MDK: variants seen among roughly 807,000 people sequenced by gnomAD.
The protein encoded by MDK is amphiregulin-associated protein.
A neutral mutation model predicts 18.9 loss-of-function variants in MDK; 17 were observed. The ratio of observed to expected loss-of-function variants is 0.90; its 90% CI spans 0.62 to 1.35. The LOEUF (loss-of-function observed/expected upper bound fraction) is 1.35, where lower values mean the gene tolerates loss of function less well. Ranked by LOEUF, MDK falls within the 40% of genes most tolerant of loss-of-function variation. The pLI is 0.00. For synonymous variants in MDK, 86 were observed against 74.3 expected, an observed-to-expected ratio of 1.16 and a Z score of -0.81; for missense variants, 180 against 186.3, an observed-to-expected ratio of 0.97 and a Z score of 0.20.
chr11:46,381,612 G>A (rs1590671559), upstream of MDK: 1 of 136,248 alleles, frequency 7.3e-6, no homozygotes, highest in South Asian at 2.4e-4. Flanking sequence ...GAGGGGGCGG[G>A]GCGGGTCCTT....
upstream of MDK, chr11:46,381,307 T>C: frequency 6.6e-6 from 1 of 152,164 alleles, no homozygotes; most frequent in Non-Finnish European, 1.5e-5. Context: ...AGCTGAGGCC[T>C]GAGAACGGCC....
intron 1 of MDK, 133 bp downstream of exon 1, chr11:46,381,891 T>C: frequency 5.9e-6 from 4 of 678,300 alleles, no homozygotes; most frequent in Admixed American, 2.8e-5. Flanking sequence ...TAGCGGTGCG[T>C]CCGGGCTAGC....
At chr11:46,382,788 C>CGGGGGGG in intron 4 of MDK, 40 bp downstream of exon 4, 2 of 546,302 alleles carry the variant, frequency 3.7e-6, no homozygotes, top group Non-Finnish European at 5.4e-6. Context: ...TCGCGGGGGG[C>CGGGGGGG]TGCCCCCCCC....
At chr11:46,381,934 G>C in intron 1 of MDK, 123 bp from the exon 2 acceptor site, 1 of 1,050,604 alleles carries the variant, frequency 9.5e-7, no homozygotes, top group South Asian at 1.5e-5. Flanking sequence ...TCCCACCGCC[G>C]CCACCTTAGC....
Position 46,382,797 on chromosome 11 carries a change from C to T in MDK, c.406+49C>T. ...GGGCTGTCGCGGGGGGCTGCCCCCC[C>T]CCCCCCCCGCCTGTGAGGGGACAAT... On this transcript the variant is annotated intron_variant, in intron 4 of 4. Coordinates refer to ENST00000395566, the MANE Select transcript of MDK (RefSeq NM_002391.6). 17 of 1,496,246 alleles carry T rather than the reference C, an allele frequency of 1.1e-5. 1 individual carries two copies. The highest frequency in any genetic ancestry group is 1.4e-5 in the Non-Finnish European group (16 of 1,110,624). 92.7% of individuals were successfully genotyped at this position (1,496,246 alleles called of 1,614,324 possible).
At chr11:46,381,463 C>T (rs989833332), upstream of MDK, 15 of 151,568 alleles carry the variant, frequency 9.9e-5, no homozygotes, top group African/African-American at 3.4e-4. Context: ...GGAGAGGCCG[C>T]CGTCGCAGCG....
rs575761440 is a variant in MDK, at chr11:46,382,800, C to G, written c.406+52C>G. 1,107 of 1,523,074 alleles carry G rather than the reference C, an allele frequency of 7.3e-4. 19 individuals carry two copies. The highest frequency in any genetic ancestry group is 1.7e-3 in the Admixed American group (87 of 50,332). 94.3% of individuals were successfully genotyped at this position (1,523,074 alleles called of 1,614,324 possible). ...CTGTCGCGGGGGGCTGCCCCCCCCCCCCCCCGCCTGTGAGGGGACAATTCC... is the reference window on the plus strand; with the variant it reads ...CTGTCGCGGGGGGCTGCCCCCCCCCGCCCCCGCCTGTGAGGGGACAATTCC... On this transcript the variant is annotated intron_variant, in intron 4 of 4. Transcript: ENST00000395566.
chr11:46,382,910 T>G (rs927196386), intron 4 of MDK, 162 bp downstream of exon 4: 6 of 821,480 alleles, frequency 7.3e-6, no homozygotes, highest in Non-Finnish European at 9.8e-6. Context: ...AGTCTGAAGA[T>G]GGGCACTACA....
rs1286502309 is a variant in MDK at position 46,382,962 on chromosome 11, G to A, written c.406+214G>A. 3 of 614,468 alleles carry A rather than the reference G, an allele frequency of 4.9e-6. No individual in the cohort carries two copies. The African/African-American group carries it at 5.6e-5, about 11-fold the overall frequency. The allele number at this position is 614,468 out of a possible 1,614,324, so 38.1% of individuals were successfully genotyped here. A position where few individuals can be genotyped will look rare whatever the true frequency, so the allele number is the denominator to read the frequency against. On this transcript the variant is annotated intron_variant, in intron 4 of 4. Transcript: ENST00000395566. ...ATGCTGGGGACATAAATCCTCCCTGGCCCAAATAGGGACCAACTCAAACTA... is the reference window on the plus strand; with the variant it reads ...ATGCTGGGGACATAAATCCTCCCTGACCCAAATAGGGACCAACTCAAACTA...
intron 4 of MDK, 53 bp downstream of exon 4, chr11:46,382,801 C>A (rs760785471): frequency 7.2e-6 from 11 of 1,523,928 alleles, no homozygotes; most frequent in African/African-American, 5.9e-5. Context: ...CCCCCCCCCC[C>A]CCCCGCCTGT....
In MDK at chr11:46,382,625, G is replaced by A; in HGVS notation, c.283G>A (p.Asp95Asn). ...KYKFENWGAC[D>N]GGTGTKVRQG... is the part of the protein sequence containing the mutation. ...CAAGTTTGAGAACTGGGGTGCGTGT[G>A]ATGGGGGCACAGGCACCAAAGTCCG... Residue 95 changes from aspartate to asparagine, a missense_variant, in exon 4 of 5, where the codon GAT (aspartate) becomes AAT (asparagine). Coordinates refer to ENST00000395566, the MANE Select transcript of MDK (RefSeq NM_002391.6). The A allele has an allele frequency of 1.2e-6, 2 of 1,612,732 alleles. No individual in the cohort carries two copies. Among genetic ancestry groups the A allele is most frequent in the Non-Finnish European group, 1.7e-6 (2 of 1,179,794 alleles).
At position 46,382,405 on chromosome 11, in the gene MDK, C is replaced by A; in HGVS notation, c.188C>A (p.Ala63Asp). 6.5e-7 allele frequency: 1 copy of A among 1,548,908 alleles called. No homozygotes were observed. Among genetic ancestry groups the A allele is most frequent in the South Asian group, 1.2e-5 (1 of 81,562 alleles). ...GGTTTCCGCGAGGGCACCTGCGGGG[C>A]CCAGACCCAGCGCATCCGGTGCAGG... ...GVGFREGTCG[A>D]QTQRIRCRVP... Residue 63 changes from alanine to aspartate, a missense_variant, in exon 3 of 5, where the codon GCC becomes GAC. Ala to Asp is a moderately radical substitution (Grantham distance 126, BLOSUM62 -2). Transcript: ENST00000395566.
At chr11:46,382,795 C>CT in intron 4 of MDK, 47 bp downstream of exon 4, 1 of 1,398,076 alleles carries the variant, frequency 7.2e-7, no homozygotes, top group Non-Finnish European at 9.6e-7. Flanking sequence ...GGGCTGCCCC[C>CT]CCCCCCCCCC....
At chr11:46,383,360 G>A (rs1440597960) in intron 4 of MDK, 109 bp from the exon 5 acceptor site, 2 of 814,636 alleles carry the variant, frequency 2.5e-6, no homozygotes, top group Non-Finnish European at 4.0e-6. Flanking sequence ...AACCACTAGG[G>A]GGCAGAATCT....
intron 4 of MDK, 157 bp from the exon 5 acceptor site, chr11:46,383,312 G>A: frequency 1.7e-6 from 1 of 597,452 alleles, no homozygotes; most frequent in East Asian, 2.9e-5. Context: ...ACATCACAAT[G>A]GCTGCCCCAT....
chr11:46,382,835 C>G, intron 4 of MDK, 87 bp downstream of exon 4: 2 of 1,458,506 alleles, frequency 1.4e-6, no homozygotes, highest in Non-Finnish European at 9.2e-7. Context: ...CAAGTTAAAC[C>G]TTAAGTTTTG....
downstream of MDK, chr11:46,383,822 T>C (rs1175940543): frequency 4.8e-6 from 2 of 415,770 alleles, no homozygotes; most frequent in South Asian, 2.1e-5. Context: ...TCTTTTTTAA[T>C]ATATAAAAGC....
At position 46,383,642 on chromosome 11, in the gene MDK, C is replaced by G. The variant is rs1264153667; in HGVS notation, c.*148C>G. On this transcript the variant is annotated 3_prime_UTR_variant, in exon 5 of 5. Coordinates refer to ENST00000395566, the MANE Select transcript of MDK (RefSeq NM_002391.6). ...CATGCCCTGCCTTGTCCCTCTCACT[C>G]CCCAGCCCCACCCCTAAGTGCCCAA... is the stretch of plus-strand genomic sequence containing the variant. 1.3e-6 allele frequency: 1 copy of G among 776,518 alleles called. No individual in the cohort carries two copies. The highest frequency in any genetic ancestry group is 2.6e-5 in the East Asian group (1 of 38,746). The allele number at this position is 776,518 out of a possible 1,614,324, so 48.1% of individuals were successfully genotyped here.
chr11:46,382,246 G>C, intron 2 of MDK, 48 bp from the exon 3 acceptor site: 1 of 1,604,064 alleles, frequency 6.2e-7, no homozygotes, highest in South Asian at 1.1e-5. Context: ...GCTCCCGAGG[G>C]AGTCTCCCCG....
Sources: allele counts gnomAD v4.1 joint callset, GRCh38; gene constraint gnomAD v4.1.1; transcripts MANE v1.5; gene names NCBI Gene and HGNC (gene_info 2026-07-23, HGNC 2026-07-21).